CHN2: variants seen among roughly 807,000 people sequenced by gnomAD.
CHN2 encodes beta-chimaerin.
A neutral mutation model predicts 56.3 loss-of-function variants in CHN2; 35 were observed. The observed-to-expected ratio is 0.62, with a 90% CI of 0.47 to 0.82. CHN2 has a LOEUF of 0.82. CHN2 is among the 40% of genes least tolerant of loss of function. The probability of loss-of-function intolerance (pLI) is 0.00; values close to 1 mark genes in which losing one functional copy is unlikely to be tolerated. For missense variants in CHN2, 491 were observed against 580.5 expected (o/e 0.85, Z 1.58); for synonymous variants, 210 against 212.8 (o/e 0.99, Z 0.12).
intron 1 of CHN2, chr7:29,195,292 T>G: frequency 2.9e-6 from 1 of 345,344 alleles, no homozygotes; most frequent in East Asian, 5.0e-5. Flanking sequence ...GGCTCGCACT[T>G]TCTGGCGCAG....
intron 1 of CHN2, among the ~76,000 whole-genome samples, chr7:29,198,925 T>G (rs1783939592): frequency 6.6e-6 from 1 of 152,218 alleles, no homozygotes; most frequent in African/African-American, 2.4e-5. Context: ...AAGTTAAGAT[T>G]TGGAAACGTA....
intron 6 of CHN2, among the ~76,000 whole-genome samples, chr7:29,421,853 A>G (rs1319436970): frequency 1.3e-5 from 2 of 152,126 alleles, no homozygotes; most frequent in African/African-American, 2.4e-5. Context: ...GCCCATATAT[A>G]TTGTGATTTT....
intron 2 of CHN2, among the ~76,000 whole-genome samples, chr7:29,356,675 T>C (rs1355292058): frequency 3.9e-5 from 6 of 152,232 alleles, no homozygotes; most frequent in Non-Finnish European, 7.3e-5. Context: ...TTGTTCTTCG[T>C]TACATAAGTC....
chr7:29,463,202 G>A (rs1785301582), intron 6 of CHN2, among the ~76,000 whole-genome samples: 1 of 152,000 alleles, frequency 6.6e-6, no homozygotes, highest in Non-Finnish European at 1.5e-5. Context: ...GAATGTGCTG[G>A]CAACATTGTG....
chr7:29,407,968 A>C (rs183830968), intron 6 of CHN2, among the ~76,000 whole-genome samples: 32 of 152,224 alleles, frequency 2.1e-4, no homozygotes, highest in African/African-American at 7.7e-4. Flanking sequence ...CTGGCGGATC[A>C]CTTGAGGTCA....
At chr7:29,242,630 T>C (rs964127209) in intron 1 of CHN2, among the ~76,000 whole-genome samples, 2 of 151,984 alleles carry the variant, frequency 1.3e-5, no homozygotes, top group African/African-American at 4.8e-5. Context: ...GTATTGCAAT[T>C]TCTCTTTGAT....
At chr7:29,158,277 C>G (rs540731689) in intron 2 of CHN2, among the ~76,000 whole-genome samples, 1 of 152,176 alleles carries the variant, frequency 6.6e-6, no homozygotes, top group African/African-American at 2.4e-5. Context: ...TTATAGCACA[C>G]ACATATTTTC....
At chr7:29,459,200 G>T (rs943199101) in intron 6 of CHN2, among the ~76,000 whole-genome samples, 4 of 152,200 alleles carry the variant, frequency 2.6e-5, no homozygotes, top group African/African-American at 9.6e-5. Flanking sequence ...AGTTCACACG[G>T]TTTAACTTTT....
chr7:29,252,578 G>GTTTTTTTTGTTTT (rs1788667379), intron 1 of CHN2, among the ~76,000 whole-genome samples: 1 of 19,488 alleles, frequency 5.1e-5, no homozygotes, highest in Non-Finnish European at 8.2e-5. Flanking sequence ...TGCATTCTTT[G>GTTTTTTTTGTTTT]TTTTTTTTTT....
At chr7:29,277,730 T>G (rs550155200) in intron 1 of CHN2, among the ~76,000 whole-genome samples, 1 of 152,324 alleles carries the variant, frequency 6.6e-6, no homozygotes, top group South Asian at 2.1e-4. Flanking sequence ...CAAGGCAGTT[T>G]CTTACACCAC....
intron 2 of CHN2, among the ~76,000 whole-genome samples, chr7:29,159,051 G>C (rs1794817456): frequency 1.3e-5 from 2 of 152,160 alleles, no homozygotes; most frequent in Admixed American, 6.5e-5. Context: ...TTAAAACCTA[G>C]CCACCCATTT....
chr7:29,288,207 G>A (rs1440314347), intron 1 of CHN2, among the ~76,000 whole-genome samples: 5 of 152,140 alleles, frequency 3.3e-5, no homozygotes, highest in Admixed American at 6.5e-5. Context: ...ATCTCCATTG[G>A]GTTCAGCAAC....
At chr7:29,482,141 A>C (rs1237767139) in intron 7 of CHN2, among the ~76,000 whole-genome samples, 1 of 152,246 alleles carries the variant, frequency 6.6e-6, no homozygotes, top group Non-Finnish European at 1.5e-5. Context: ...ATATTTGTTT[A>C]AAAACTCAAA....
chr7:29,478,650 C>A (rs1372542719), intron 6 of CHN2, among the ~76,000 whole-genome samples: 2 of 152,162 alleles, frequency 1.3e-5, no homozygotes, highest in African/African-American at 4.8e-5. Context: ...TGTCCTTGGG[C>A]AAATTGCTTT....
chr7:29,243,777 A>C (rs1226325878), intron 1 of CHN2, among the ~76,000 whole-genome samples: 2 of 152,206 alleles, frequency 1.3e-5, no homozygotes, highest in East Asian at 3.9e-4. Flanking sequence ...ATTCGTTGTT[A>C]GCGTTCTTGC....
intron 6 of CHN2, among the ~76,000 whole-genome samples, chr7:29,456,958 T>C (rs1784814459): frequency 6.6e-6 from 1 of 151,870 alleles, no homozygotes; most frequent in Admixed American, 6.5e-5. Context: ...CCTTCTCAAC[T>C]CATTCAGGCC....
intron 1 of CHN2, among the ~76,000 whole-genome samples, chr7:29,302,086 C>A (rs11767989): frequency 0.34 from 52,067 of 152,014 alleles, 9,292 homozygotes; most frequent in African/African-American, 0.42. Flanking sequence ...GGATAAGGAC[C>A]CTCAGCCTTT....
At chr7:29,366,329 G>T (rs1799158074) in intron 2 of CHN2, among the ~76,000 whole-genome samples, 1 of 152,120 alleles carries the variant, frequency 6.6e-6, no homozygotes, top group Non-Finnish European at 1.5e-5. Context: ...GTAAGCCTTG[G>T]GCCTCTCCTA....
intron 2 of CHN2, among the ~76,000 whole-genome samples, chr7:29,363,801 G>A (rs1009647194): frequency 2.0e-5 from 3 of 152,184 alleles, no homozygotes; most frequent in South Asian, 4.2e-4. Context: ...GGGAGAGAGC[G>A]AGCCATGTGG....
Sources: gnomAD v4.1 joint callset for allele counts (sites outside exome capture counted in the v4.1 genomes callset) on GRCh38, gnomAD v4.1.1 for gene constraint, MANE v1.5 for transcripts, NCBI Gene and HGNC (gene_info 2026-07-23, HGNC 2026-07-21) for gene names.